OR51B5: variants seen among roughly 807,000 people sequenced by gnomAD.
The protein encoded by OR51B5 is olfactory receptor 51B5.
For synonymous variants in OR51B5, 186 were observed against 144.8 expected (o/e 1.28, Z -2.04); for missense variants, 456 against 374.6 (o/e 1.22, Z -1.79).
chr11:5,505,301 G>T, intron 1 of OR51B5: 4 of 1,296,670 alleles, frequency 3.1e-6, no homozygotes, highest in Non-Finnish European at 4.1e-6. Flanking sequence ...ATGGAAATTT[G>T]GGGTTCAATG....
intron 1 of OR51B5, among the ~76,000 whole-genome samples, chr11:5,461,103 C>T (rs1188655966): frequency 2.0e-5 from 3 of 152,142 alleles, no homozygotes; most frequent in South Asian, 2.1e-4. Flanking sequence ...TGGGGGGCTG[C>T]GTGTGAGGGT....
chr11:5,360,298 G>GA (rs1215148169), intron 1 of OR51B5, among the ~76,000 whole-genome samples: 1 of 151,556 alleles, frequency 6.6e-6, no homozygotes, highest in Admixed American at 6.6e-5. Context: ...AAATTTACAA[G>GA]AAAAAAACAA....
intron 1 of OR51B5, among the ~76,000 whole-genome samples, chr11:5,417,516 A>G (rs4910790): frequency 0.78 from 115,258 of 148,666 alleles, 45,611 homozygotes; most frequent in Non-Finnish European, 0.86. Context: ...GAAAATTTTC[A>G]CAACCTACTC....
intron 1 of OR51B5, among the ~76,000 whole-genome samples, chr11:5,375,266 T>C (rs1849506912): frequency 6.6e-6 from 1 of 150,996 alleles, no homozygotes; most frequent in Non-Finnish European, 1.5e-5. Flanking sequence ...TAAAATACTT[T>C]ACAGACAAGC....
chr11:5,489,230 G>A (rs142777568), intron 1 of OR51B5: 106 of 1,613,814 alleles, frequency 6.6e-5, no homozygotes, highest in East Asian at 3.6e-4. Context: ...TGTGGTCACC[G>A]TGTCATGACA....
At chr11:5,341,264 C>T (rs1401364284), downstream of OR51B5, 1 of 152,066 alleles carries the variant, frequency 6.6e-6, no homozygotes, top group Non-Finnish European at 1.5e-5. Context: ...AGCTTAGCTT[C>T]AGAAGGCAAG....
intron 1 of OR51B5, among the ~76,000 whole-genome samples, chr11:5,479,619 C>T (rs1851382075): frequency 6.6e-6 from 1 of 152,190 alleles, no homozygotes; most frequent in Non-Finnish European, 1.5e-5. Context: ...GGAAATCCAT[C>T]TCATGTGCAG....
intron 1 of OR51B5, among the ~76,000 whole-genome samples, chr11:5,385,050 G>C (rs1849665148): frequency 6.6e-6 from 1 of 152,180 alleles, no homozygotes; most frequent in Admixed American, 6.5e-5. Flanking sequence ...AGAATATTTA[G>C]ACACAGGTGA....
At chr11:5,496,417 A>G (rs139625179) in intron 1 of OR51B5, among the ~76,000 whole-genome samples, 622 of 3,260 alleles carry the variant, frequency 0.19, 5 homozygotes, top group Admixed American at 0.27. Flanking sequence ...ATGCCCTTTC[A>G]CCGCTCATGG....
At chr11:5,346,119 TATCAG>T (rs1380839828), upstream of OR51B5, 1 of 152,168 alleles carries the variant, frequency 6.6e-6, no homozygotes, top group East Asian at 1.9e-4. Context: ...AATTCCTTCT[TATCAG>T]AGAATATGCA....
At chr11:5,398,043 G>GCCACA (rs1849906900) in intron 1 of OR51B5, among the ~76,000 whole-genome samples, 1 of 152,076 alleles carries the variant, frequency 6.6e-6, no homozygotes, top group Non-Finnish European at 1.5e-5. Context: ...ACACACCGGG[G>GCCACA]CCTGTTGTGG....
At chr11:5,447,274 G>A (rs963827426) in intron 1 of OR51B5, among the ~76,000 whole-genome samples, 7 of 152,134 alleles carry the variant, frequency 4.6e-5, no homozygotes, top group African/African-American at 1.4e-4. Flanking sequence ...GATACAGCTG[G>A]TTGGGAAGCA....
chr11:5,384,284 A>T (rs1262921725), intron 1 of OR51B5, among the ~76,000 whole-genome samples: 1 of 152,100 alleles, frequency 6.6e-6, no homozygotes, highest in Non-Finnish European at 1.5e-5. Context: ...CAATCCTCCC[A>T]CCTTATTCTT....
intron 1 of OR51B5, among the ~76,000 whole-genome samples, chr11:5,396,256 A>G (rs1387375670): frequency 6.6e-6 from 1 of 152,246 alleles, no homozygotes; most frequent in Non-Finnish European, 1.5e-5. Flanking sequence ...AAGGCATTCA[A>G]TTATGTAAAG....
chr11:5,476,223 G>T (rs1209248697), intron 1 of OR51B5, among the ~76,000 whole-genome samples: 3 of 152,132 alleles, frequency 2.0e-5, no homozygotes, highest in Non-Finnish European at 1.5e-5. Context: ...CTTATTGAGA[G>T]CTTTATGTGT....
At chr11:5,446,125 G>A (rs1033723512) in intron 1 of OR51B5, among the ~76,000 whole-genome samples, 3 of 151,940 alleles carry the variant, frequency 2.0e-5, no homozygotes, top group Non-Finnish European at 4.4e-5. Context: ...GAGAGTGGAG[G>A]GATAGCATTA....
intron 1 of OR51B5, among the ~76,000 whole-genome samples, chr11:5,404,047 C>G (rs2471981): frequency 0.16 from 24,385 of 151,344 alleles, 2,431 homozygotes; most frequent in African/African-American, 0.29. Flanking sequence ...AAGGCCCCAA[C>G]TTGGAAGTCT....
intron 1 of OR51B5, among the ~76,000 whole-genome samples, chr11:5,357,215 T>C (rs1016161956): frequency 5.9e-5 from 9 of 152,066 alleles, no homozygotes; most frequent in Admixed American, 3.9e-4. Flanking sequence ...ATCAGTGTGC[T>C]GTATTCAGGA....
chr11:5,349,793 C>T (rs1439049000), intron 1 of OR51B5, among the ~76,000 whole-genome samples: 1 of 152,038 alleles, frequency 6.6e-6, no homozygotes, highest in Admixed American at 6.6e-5. Context: ...TTGCTTTCCC[C>T]TCTACTTCCC....
Sources: gnomAD v4.1 joint callset for allele counts (sites outside exome capture counted in the v4.1 genomes callset) on GRCh38, gnomAD v4.1.1 for gene constraint, MANE v1.5 for transcripts, NCBI Gene and HGNC (gene_info 2026-07-23, HGNC 2026-07-21) for gene names.